The following C2orf69 variants were observed in gnomAD, a reference collection of about 807,000 sequenced individuals.
The protein encoded by C2orf69 is chromosome 2 open reading frame 69.
C2orf69 carries 19 observed loss-of-function variants against 29.5 expected under a neutral mutation model. The observed-to-expected ratio is 0.65, with a 90% CI of 0.45 to 0.95. The LOEUF is 0.95. C2orf69 is among the 40% of genes least tolerant of loss of function. The probability of loss-of-function intolerance (pLI) is 0.00; values close to 1 mark genes in which losing one functional copy is unlikely to be tolerated. For missense variants in C2orf69, 416 were observed against 482.1 expected (o/e 0.86, Z 1.28); for synonymous variants, 194 against 180.0 (o/e 1.08, Z -0.62).
At chr2:199,919,821 A>G (rs966668154) in intron 1 of C2orf69, among the ~76,000 whole-genome samples, 1 of 152,252 alleles carries the variant, frequency 6.6e-6, no homozygotes, top group African/African-American at 2.4e-5. Context: ...GACACATTCA[A>G]ACCGTAGCAG....
Position 199,927,320 on chromosome 2 carries a change from A to AAG in C2orf69, c.*1435_*1436insGA, listed in dbSNP as rs887572086. ...GCTGCTTTAGGACTAAAAAAAAAAA[A>AAG]AAAAAAAAGACACTGAAGCTTAATA... On this transcript the variant is annotated 3_prime_UTR_variant, in exon 2 of 2. Transcript: ENST00000319974. 1.3e-5 allele frequency: 2 copies of AAG among 151,190 alleles called. No homozygotes were observed. Among genetic ancestry groups the AAG allele is most frequent in the African/African-American group, 4.8e-5 (2 of 41,276 alleles). The allele number at this position is 151,190 out of a possible 1,614,324, so 9.4% of individuals were successfully genotyped here.
In C2orf69 at chr2:199,926,804, T is replaced by A. The variant is rs1428198662; in HGVS notation, c.*918T>A. 1.3e-5 allele frequency: 2 copies of A among 152,646 alleles called. No individual in the cohort carries two copies. The highest frequency in any genetic ancestry group is 3.8e-4 in the East Asian group (2 of 5,196). The allele number at this position is 152,646 out of a possible 1,614,324, so 9.5% of individuals were successfully genotyped here. A position where few individuals can be genotyped will look rare whatever the true frequency, so the allele number is the denominator to read the frequency against. The stretch of plus-strand genomic sequence containing the variant: ...TTTAAATTGAGCATATTTATGTATA[T>A]TGGATAAAAATGTACTACAGAGCAA... On this transcript the variant is annotated 3_prime_UTR_variant, in exon 2 of 2. Coordinates refer to ENST00000319974, the MANE Select transcript of C2orf69 (RefSeq NM_153689.6).
intron 1 of C2orf69, among the ~76,000 whole-genome samples, chr2:199,913,605 TG>T (rs1451150162): frequency 7.1e-6 from 1 of 141,026 alleles, no homozygotes; most frequent in Non-Finnish European, 1.5e-5. Context: ...AATAATTGAC[TG>T]GTTTAGTTGA....
chr2:199,919,133 T>C (rs1190580032), intron 1 of C2orf69, among the ~76,000 whole-genome samples: 1 of 152,184 alleles, frequency 6.6e-6, no homozygotes, highest in African/African-American at 2.4e-5. Flanking sequence ...TTAAAATTTT[T>C]CGTAGAAACG....
intron 1 of C2orf69, among the ~76,000 whole-genome samples, chr2:199,921,114 C>T (rs1162103874): frequency 7.6e-6 from 1 of 131,836 alleles, no homozygotes; most frequent in Admixed American, 8.9e-5. Flanking sequence ...TCAAGCGATT[C>T]TTCTGCCTCA....
At chr2:199,920,831 C>T (rs1242791249) in intron 1 of C2orf69, among the ~76,000 whole-genome samples, 1 of 150,102 alleles carries the variant, frequency 6.7e-6, no homozygotes. Context: ...TGGCGCGCGC[C>T]TGTAGTCCCA....
At chr2:199,915,668 G>C (rs1359663538) in intron 1 of C2orf69, among the ~76,000 whole-genome samples, 1 of 151,862 alleles carries the variant, frequency 6.6e-6, no homozygotes, top group Non-Finnish European at 1.5e-5. Flanking sequence ...CACCACGCCT[G>C]GCTAATTTTT....
intron 1 of C2orf69, among the ~76,000 whole-genome samples, chr2:199,918,502 C>T (rs1234594357): frequency 6.6e-6 from 1 of 152,102 alleles, no homozygotes; most frequent in Admixed American, 6.6e-5. Flanking sequence ...GCTGGGATTA[C>T]AGGTGTGTGC....
At chr2:199,913,367 ATTATG>A in intron 1 of C2orf69, among the ~76,000 whole-genome samples, 2 of 77,806 alleles carry the variant, frequency 2.6e-5, no homozygotes, top group East Asian at 5.6e-4. Flanking sequence ...AATATATTCT[ATTATG>A]ATATATATTA....
Position 199,927,309 on chromosome 2 carries a change from A to T in C2orf69, c.*1423A>T, listed in dbSNP as rs1023301535. Reference sequence around the variant, plus strand: ...GGAAGTAACATGCTGCTTTAGGACTAAAAAAAAAAAAAAAAAAAAGACACT... The same window carrying T: ...GGAAGTAACATGCTGCTTTAGGACTTAAAAAAAAAAAAAAAAAAAGACACT... On this transcript the variant is annotated 3_prime_UTR_variant, in exon 2 of 2. Coordinates refer to ENST00000319974, the MANE Select transcript of C2orf69 (RefSeq NM_153689.6). 4 of 19,882 alleles carry T rather than the reference A, an allele frequency of 2.0e-4. No homozygotes were observed. The highest frequency in any genetic ancestry group is 7.5e-4 in the African/African-American group (3 of 4,008). The allele number at this position is 19,882 out of a possible 1,614,324, so 1.2% of individuals were successfully genotyped here. A position where few individuals can be genotyped will look rare whatever the true frequency, so the allele number is the denominator to read the frequency against.
intron 1 of C2orf69, 32 bp downstream of exon 1, chr2:199,911,803 T>A: frequency 6.5e-7 from 1 of 1,536,598 alleles, no homozygotes; most frequent in Non-Finnish European, 8.7e-7. Flanking sequence ...TATCTGTTCC[T>A]TCCTCTCGTG....
chr2:199,917,967 G>A (rs62178347), intron 1 of C2orf69, among the ~76,000 whole-genome samples: 20,974 of 152,222 alleles, frequency 0.14, 1,738 homozygotes, highest in Middle Eastern at 0.23. Flanking sequence ...GGAAGGGGAA[G>A]CAAACATGCC....
At chr2:199,920,134 T>G (rs12475089) in intron 1 of C2orf69, among the ~76,000 whole-genome samples, 6,394 of 152,260 alleles carry the variant, frequency 0.042, 219 homozygotes, top group East Asian at 0.17. Context: ...AAAACTCTCT[T>G]GAAAGAAATC....
At chr2:199,922,031 T>TTTTATATATATATATATATA (rs1553566020) in intron 1 of C2orf69, among the ~76,000 whole-genome samples, 1 of 78,970 alleles carries the variant, frequency 1.3e-5, no homozygotes, top group Non-Finnish European at 2.3e-5. Flanking sequence ...ACTGTTATTT[T>TTTTATATATATATATATATA]TATATATATA....
chr2:199,913,368 TTATGA>T (rs1177616046), intron 1 of C2orf69, among the ~76,000 whole-genome samples: 2 of 74,542 alleles, frequency 2.7e-5, no homozygotes, highest in Admixed American at 1.9e-4. Flanking sequence ...ATATATTCTA[TTATGA>T]TATATATTAT....
intron 1 of C2orf69, among the ~76,000 whole-genome samples, chr2:199,913,880 A>G (rs2077283830): frequency 6.6e-6 from 1 of 152,168 alleles, no homozygotes; most frequent in Non-Finnish European, 1.5e-5. Flanking sequence ...CAGGATATAT[A>G]GTACAAGTCT....
intron 1 of C2orf69, among the ~76,000 whole-genome samples, chr2:199,913,201 A>C (rs1240851693): frequency 7.2e-5 from 7 of 97,374 alleles, no homozygotes; most frequent in Admixed American, 3.1e-4. Flanking sequence ...ATTATATATA[A>C]TATATAATAT....
intron 1 of C2orf69, among the ~76,000 whole-genome samples, chr2:199,920,550 A>G (rs944474459): frequency 6.6e-6 from 1 of 152,190 alleles, no homozygotes; most frequent in Non-Finnish European, 1.5e-5. Context: ...CCTTAACTAT[A>G]AAAAGGATTT....
chr2:199,921,067 C>T (rs1483839001), intron 1 of C2orf69, among the ~76,000 whole-genome samples: 3 of 110,946 alleles, frequency 2.7e-5, no homozygotes, highest in South Asian at 3.5e-4. Context: ...AGTGCAGTGG[C>T]GCGGTCTTGG....
Sources: gnomAD v4.1 joint callset for allele counts (sites outside exome capture counted in the v4.1 genomes callset) on GRCh38, gnomAD v4.1.1 for gene constraint, MANE v1.5 for transcripts, NCBI Gene and HGNC (gene_info 2026-07-23, HGNC 2026-07-21) for gene names.